CAMTA1: variants seen among roughly 807,000 people sequenced by gnomAD.
CAMTA1 encodes the protein calmodulin-binding transcription activator 1.
A neutral mutation model predicts 170.9 loss-of-function variants in CAMTA1; 27 were observed. The observed-to-expected ratio is 0.16, with a 90% CI of 0.12 to 0.22. The LOEUF (loss-of-function observed/expected upper bound fraction) is 0.22, where lower values mean the gene tolerates loss of function less well. Among genes scored for constraint, CAMTA1 ranks in the 10% least tolerant of loss-of-function variants. The pLI is 1.00. For synonymous variants in CAMTA1, 833 were observed against 891.5 expected (o/e 0.93, Z 1.17); for missense variants, 1,619 against 2,217.2 (o/e 0.73, Z 5.42).
intron 6 of CAMTA1, among the ~76,000 whole-genome samples, chr1:7,578,460 G>A (rs1557947259): frequency 6.6e-6 from 1 of 152,232 alleles, no homozygotes; most frequent in Non-Finnish European, 1.5e-5. Flanking sequence ...GCGGTGTGGA[G>A]GCTGGGTCCC....
At chr1:7,687,426 C>T (rs993492482) in intron 11 of CAMTA1, among the ~76,000 whole-genome samples, 4 of 152,050 alleles carry the variant, frequency 2.6e-5, no homozygotes, top group East Asian at 1.9e-4. Flanking sequence ...GGGAGCTCCA[C>T]GGATTTGCAG....
At chr1:6,997,402 A>G (rs1283350378) in intron 3 of CAMTA1, among the ~76,000 whole-genome samples, 1 of 152,102 alleles carries the variant, frequency 6.6e-6, no homozygotes, top group African/African-American at 2.4e-5. Context: ...CGAGGTGCAT[A>G]TCTTTTCAGG....
intron 3 of CAMTA1, among the ~76,000 whole-genome samples, chr1:6,979,257 G>A (rs1361743187): frequency 6.6e-6 from 1 of 152,128 alleles, no homozygotes; most frequent in South Asian, 2.1e-4. Flanking sequence ...TCCTGCACAG[G>A]GTCTCCGGCA....
chr1:7,083,109 T>C (rs1640253151), intron 3 of CAMTA1, among the ~76,000 whole-genome samples: 1 of 152,198 alleles, frequency 6.6e-6, no homozygotes, highest in Admixed American at 6.5e-5. Context: ...GGTGGCTCAT[T>C]GTTTCTTCAC....
intron 3 of CAMTA1, among the ~76,000 whole-genome samples, chr1:6,835,769 T>C (rs1380489138): frequency 6.6e-6 from 1 of 152,236 alleles, no homozygotes. Context: ...CTAGAGCTTT[T>C]TTCTCATGTC....
At chr1:7,582,858 G>A (rs2095272994) in intron 6 of CAMTA1, among the ~76,000 whole-genome samples, 1 of 151,906 alleles carries the variant, frequency 6.6e-6, no homozygotes, top group African/African-American at 2.4e-5. Context: ...AGAAGGAAAT[G>A]GGCCCTGGGC....
At position 7,769,030 on chromosome 1, in the gene CAMTA1, C is replaced by T. The variant is rs1365224930; in HGVS notation, c.*2539C>T. On this transcript the variant is annotated 3_prime_UTR_variant, in exon 23 of 23. Coordinates refer to ENST00000303635, the MANE Select transcript of CAMTA1 (RefSeq NM_015215.4). ...TTTTTTTTTAATGTTTCACATGTTA[C>T]ATTATTAGCTGAATACGTTAGAAAA... 1 of 152,292 alleles carries T rather than the reference C, an allele frequency of 6.6e-6. No individual in the cohort carries two copies. Among genetic ancestry groups the T allele is most frequent in the Non-Finnish European group, 1.5e-5 (1 of 68,004 alleles). 9.4% of individuals were successfully genotyped at this position (152,292 alleles called of 1,614,324 possible).
At chr1:7,255,719 C>T (rs1667267757) in intron 5 of CAMTA1, among the ~76,000 whole-genome samples, 1 of 152,208 alleles carries the variant, frequency 6.6e-6, no homozygotes, top group Non-Finnish European at 1.5e-5. Context: ...CAAGGAGTCT[C>T]CACAGAGTGT....
rs1184557775 is a variant in CAMTA1 at position 7,146,109 on chromosome 1, G to A, written c.302+54738G>A. On this transcript the variant is annotated intron_variant, in intron 4 of 22. Coordinates refer to ENST00000303635, the MANE Select transcript of CAMTA1 (RefSeq NM_015215.4). The surrounding 1 kb of genome is among the most constrained non-coding windows in gnomAD (Gnocchi z 4.3). ...ATCTTTTTTTTAAAATGGGATGATT[G>A]TAAAGGCCGGGCCGAGGATCTCCCC... Among the ~76,000 whole-genome samples the A allele has an allele frequency of 2.0e-5, 3 of 152,274 alleles. No homozygotes were observed. In the East Asian group the frequency reaches 5.8e-4, roughly 29 times the overall value.
chr1:7,242,119 A>C (rs1664968777), intron 4 of CAMTA1, among the ~76,000 whole-genome samples: 1 of 152,208 alleles, frequency 6.6e-6, no homozygotes, highest in South Asian at 2.1e-4. Flanking sequence ...CAAGAAGGCA[A>C]CTCAATTAAA....
chr1:7,700,637 G>A (rs1248957556), intron 11 of CAMTA1: 4 of 152,208 alleles, frequency 2.6e-5, no homozygotes, highest in African/African-American at 9.7e-5. Context: ...CTATAAACAA[G>A]CTTGCACAAT....
intron 5 of CAMTA1, among the ~76,000 whole-genome samples, chr1:7,309,622 T>C (rs1308470298): frequency 6.6e-6 from 1 of 152,128 alleles, no homozygotes; most frequent in Non-Finnish European, 1.5e-5. Context: ...TCCTTTGTTT[T>C]TGTTCCTTTG....
chr1:7,604,598 T>G (rs2095471664), intron 6 of CAMTA1, among the ~76,000 whole-genome samples: 1 of 152,030 alleles, frequency 6.6e-6, no homozygotes, highest in Non-Finnish European at 1.5e-5. Flanking sequence ...TTTTTCAAGG[T>G]TTTTAACTTC....
At chr1:7,451,011 C>T (rs1238123942) in intron 5 of CAMTA1, among the ~76,000 whole-genome samples, 1 of 152,182 alleles carries the variant, frequency 6.6e-6, no homozygotes, top group African/African-American at 2.4e-5. Context: ...GGTGTAATTA[C>T]AGAGGCCCAG....
chr1:7,086,045 A>G (rs1019143340), intron 3 of CAMTA1, among the ~76,000 whole-genome samples: 6 of 152,128 alleles, frequency 3.9e-5, no homozygotes, highest in African/African-American at 1.4e-4. Context: ...ACAGATACAG[A>G]GGGGCCTGTC....
chr1:7,511,402 T>C (rs2094199953), intron 6 of CAMTA1, among the ~76,000 whole-genome samples: 1 of 111,186 alleles, frequency 9.0e-6, no homozygotes, highest in African/African-American at 2.8e-5. Flanking sequence ...CTTGGCATCT[T>C]TGTGGCATTT....
chr1:7,592,045 C>T lies in CAMTA1; in HGVS notation c.511-48355C>T, dbSNP rs1451817310. Among the ~76,000 whole-genome samples the T allele has an allele frequency of 3.3e-5, 5 of 152,286 alleles. No homozygotes were observed. The South Asian group carries it at 6.2e-4, about 19-fold the overall frequency. On this transcript the variant is annotated intron_variant, in intron 6 of 22. Transcript: ENST00000303635. The surrounding 1 kb of genome is among the most constrained non-coding windows in gnomAD (Gnocchi z 4.6). ...TCCTAAGTAGCTGGGATTACAGGTG[C>T]ATGCCACCATACCTAGCTAATTTTT... is the stretch of plus-strand genomic sequence containing the variant.
At chr1:6,946,202 C>CT (rs1557869349) in intron 3 of CAMTA1, among the ~76,000 whole-genome samples, 7 of 118,782 alleles carry the variant, frequency 5.9e-5, no homozygotes, top group Non-Finnish European at 1.3e-4. Flanking sequence ...TTTTTTTTTT[C>CT]TTTTTTTAGA....
chr1:6,847,731 T>TC (rs942498574), intron 3 of CAMTA1, among the ~76,000 whole-genome samples: 6 of 143,782 alleles, frequency 4.2e-5, no homozygotes, highest in Middle Eastern at 3.5e-3. Flanking sequence ...TGAGATGGAG[T>TC]CCCCCTCTGT....
Sources: allele counts gnomAD v4.1 joint callset (sites outside exome capture counted in the v4.1 genomes callset), GRCh38; gene constraint gnomAD v4.1.1; non-coding constraint Gnocchi (gnomAD v3.1); transcripts MANE v1.5; gene names NCBI Gene and HGNC (gene_info 2026-07-23, HGNC 2026-07-21).